Variants in BOD1 observed in about 807,000 individuals in gnomAD.
BOD1 encodes biorientation of chromosomes in cell division 1.
In BOD1, 11 loss-of-function variants were observed where a neutral mutation model predicts 15.7. That is an observed-to-expected ratio of 0.70 (90% CI 0.44 to 1.16). BOD1 has a LOEUF of 1.16. Ranked by LOEUF, BOD1 falls within the 50% of genes most tolerant of loss-of-function variation. The probability of loss-of-function intolerance (pLI) is 0.00; values close to 1 mark genes in which losing one functional copy is unlikely to be tolerated. For synonymous variants in BOD1, 105 were observed against 103.5 expected, an observed-to-expected ratio of 1.01 and a Z score of -0.09; for missense variants, 182 against 244.5, an observed-to-expected ratio of 0.74 and a Z score of 1.70.
At position 173,616,413 on chromosome 5, in the gene BOD1, C is replaced by CCCGCCG; in HGVS notation, c.18_23dup (p.Gly8_Gly9dup). 3.3e-6 allele frequency: 5 copies of CCCGCCG among 1,538,442 alleles called. No homozygotes were observed. The highest frequency in any genetic ancestry group is 4.3e-6 in the Non-Finnish European group (5 of 1,153,280). ...CGCCGCCGCCCACCGCGCCAGTTCC[C>CCCGCCG]CCGCCGCCGCCGCCGTCCGCCATGG... On this transcript the variant is annotated inframe_insertion, in exon 1 of 4. Coordinates refer to ENST00000311086, the MANE Select transcript of BOD1 (RefSeq NM_138369.3).
In BOD1 at chr5:173,616,489, A is replaced by G; in HGVS notation, c.-53T>C. ...ACGACTATAGCTTCTTCTCCAGGACAGAAGGCCTAGAACGTGTAGAGGTGG... is the reference window on the plus strand; with the variant it reads ...ACGACTATAGCTTCTTCTCCAGGACGGAAGGCCTAGAACGTGTAGAGGTGG... On this transcript the variant is annotated 5_prime_UTR_variant, in exon 1 of 4. Coordinates refer to ENST00000311086, the MANE Select transcript of BOD1 (RefSeq NM_138369.3). 1 of 1,545,384 alleles carries G rather than the reference A, an allele frequency of 6.5e-7. No homozygotes were observed. Among genetic ancestry groups the G allele is most frequent in the African/African-American group, 1.4e-5 (1 of 70,328 alleles).
In BOD1 at chr5:173,616,592, G is replaced by C. The variant is rs938119789; in HGVS notation, c.-156C>G. 8 of 1,352,876 alleles carry C rather than the reference G, an allele frequency of 5.9e-6. No individual in the cohort carries two copies. Among genetic ancestry groups the C allele is most frequent in the African/African-American group, 4.7e-5 (3 of 64,458 alleles). 83.8% of individuals were successfully genotyped at this position (1,352,876 alleles called of 1,614,324 possible). ...GATGGCGGCAGGGGCGGTGGTGGGG[G>C]CGGCGGCGGCGAAGGCCCCCTCTGA... On this transcript the variant is annotated 5_prime_UTR_variant, in exon 1 of 4. Transcript: ENST00000311086.
In BOD1 at chr5:173,616,563, T is replaced by TGGCGATGGCGGCAGGGGCGGTGGTGGG; in HGVS notation, c.-154_-128dup. 1 of 1,379,064 alleles carries TGGCGATGGCGGCAGGGGCGGTGGTGGG rather than the reference T, an allele frequency of 7.3e-7. No homozygotes were observed. The highest frequency in any genetic ancestry group is 1.6e-5 in the South Asian group (1 of 62,692). The allele number at this position is 1,379,064 out of a possible 1,614,324, so 85.4% of individuals were successfully genotyped here. ...GGCCCCAAGGCGGCAGCGGCGGAGG[T>TGGCGATGGCGGCAGGGGCGGTGGTGGG]GGCGATGGCGGCAGGGGCGGTGGTG... On this transcript the variant is annotated 5_prime_UTR_variant, in exon 1 of 4. Coordinates refer to ENST00000311086, the MANE Select transcript of BOD1 (RefSeq NM_138369.3).
chr5:173,616,498 A>C lies in BOD1; in HGVS notation c.-62T>G. On this transcript the variant is annotated 5_prime_UTR_variant, in exon 1 of 4. Coordinates refer to ENST00000311086, the MANE Select transcript of BOD1 (RefSeq NM_138369.3). ...GCTTCTTCTCCAGGACAGAAGGCCTAGAACGTGTAGAGGTGGTGAAGGGGG... is the reference window on the plus strand; with the variant it reads ...GCTTCTTCTCCAGGACAGAAGGCCTCGAACGTGTAGAGGTGGTGAAGGGGG... 3.3e-6 allele frequency: 5 copies of C among 1,534,788 alleles called. No individual in the cohort carries two copies. Among genetic ancestry groups the C allele is most frequent in the African/African-American group, 1.4e-5 (1 of 69,998 alleles).
At chr5:173,610,455 G>A (rs1755319583) in intron 2 of BOD1, among the ~76,000 whole-genome samples, 1 of 152,168 alleles carries the variant, frequency 6.6e-6, no homozygotes, top group African/African-American at 2.4e-5. Context: ...GTGCTCCCTG[G>A]ATTCAATGGT....
At chr5:173,612,938 C>T (rs1306731198) in intron 2 of BOD1, among the ~76,000 whole-genome samples, 193 bp downstream of exon 2, 1 of 152,208 alleles carries the variant, frequency 6.6e-6, no homozygotes, top group African/African-American at 2.4e-5. Flanking sequence ...TCACAGGCTG[C>T]AGAAACTGGA....
intron 1 of BOD1, among the ~76,000 whole-genome samples, chr5:173,613,833 G>A (rs1445844742): frequency 6.6e-6 from 1 of 152,190 alleles, no homozygotes; most frequent in Non-Finnish European, 1.5e-5. Context: ...GGGGGCAGAG[G>A]AGTAAAATTC....
At chr5:173,609,203 A>G in intron 3 of BOD1, 35 bp downstream of exon 3, 1 of 1,412,326 alleles carries the variant, frequency 7.1e-7, no homozygotes, top group South Asian at 1.3e-5. Flanking sequence ...CAAGCCAGAG[A>G]TGCATACTCC....
Position 173,613,199 on chromosome 5 carries a change from G to C in BOD1, c.294C>G (p.Asp98Glu). 1.2e-6 allele frequency: 2 copies of C among 1,614,142 alleles called. No homozygotes were observed. Among genetic ancestry groups the C allele is most frequent in the Non-Finnish European group, 1.7e-6 (2 of 1,179,990 alleles). ...KVDNFVSTHL[D>E]KQEWNPTMNK... ...TCATCGTAGGATTCCATTCCTGCTTGTCCAGATGTGTTGACACAAAATTAT... is the reference window on the plus strand; with the variant it reads ...TCATCGTAGGATTCCATTCCTGCTTCTCCAGATGTGTTGACACAAAATTAT... Residue 98 changes from aspartate to glutamate, a missense_variant, in exon 2 of 4, where the codon GAC becomes GAG. Asp to Glu is a conservative substitution (Grantham distance 45). Coordinates refer to ENST00000311086, the MANE Select transcript of BOD1 (RefSeq NM_138369.3).
At position 173,616,607 on chromosome 5, in the gene BOD1, G is replaced by GC; in HGVS notation, c.-172dup. On this transcript the variant is annotated 5_prime_UTR_variant, in exon 1 of 4. Coordinates refer to ENST00000311086, the MANE Select transcript of BOD1 (RefSeq NM_138369.3). ...GGTGGTGGGGGCGGCGGCGGCGAAG[G>GC]CCCCCTCTGATACAGCAGAGGTTGT... The GC allele has an allele frequency of 5.2e-6, 7 of 1,350,274 alleles. No homozygotes were observed. In the South Asian group the frequency reaches 1.1e-4, roughly 21 times the overall value. 83.6% of individuals were successfully genotyped at this position (1,350,274 alleles called of 1,614,324 possible). A position where few individuals can be genotyped will look rare whatever the true frequency, so the allele number is the denominator to read the frequency against.
chr5:173,610,748 C>T (rs1283700062), intron 2 of BOD1, among the ~76,000 whole-genome samples: 2 of 152,212 alleles, frequency 1.3e-5, no homozygotes, highest in African/African-American at 2.4e-5. Flanking sequence ...AACTAAATGC[C>T]TGTGTCCCCC....
chr5:173,614,091 A>C (rs759264971), intron 1 of BOD1, among the ~76,000 whole-genome samples: 1 of 152,252 alleles, frequency 6.6e-6, no homozygotes, highest in Non-Finnish European at 1.5e-5. Flanking sequence ...AGTAAAACAG[A>C]TATCAACAGA....
chr5:173,615,730 G>T (rs1391606083), intron 1 of BOD1, among the ~76,000 whole-genome samples: 1 of 152,154 alleles, frequency 6.6e-6, no homozygotes, highest in Non-Finnish European at 1.5e-5. Flanking sequence ...ATTCAACGCC[G>T]TACTAGTCTG....
intron 3 of BOD1, among the ~76,000 whole-genome samples, chr5:173,608,929 A>G (rs1394093209): frequency 6.6e-6 from 1 of 152,230 alleles, no homozygotes; most frequent in Non-Finnish European, 1.5e-5. Context: ...GACTCATTTA[A>G]ACATTTCAGC....
chr5:173,608,406 TA>T, intron 3 of BOD1, 114 bp from the exon 4 acceptor site: 1 of 829,012 alleles, frequency 1.2e-6, no homozygotes, highest in Non-Finnish European at 1.9e-6. Context: ...ATGAATGTTT[TA>T]CACTCCATAT....
At chr5:173,609,711 C>G (rs1755298117) in intron 2 of BOD1, 1 of 374,952 alleles carries the variant, frequency 2.7e-6, no homozygotes, top group Non-Finnish European at 4.8e-6. Context: ...GTGAGTTGCT[C>G]CAAAACAACA....
At chr5:173,615,841 G>T (rs1212754527) in intron 1 of BOD1, among the ~76,000 whole-genome samples, 1 of 152,146 alleles carries the variant, frequency 6.6e-6, no homozygotes, top group Non-Finnish European at 1.5e-5. Context: ...TGGTGAGTAC[G>T]GAACAGGTGG....
At chr5:173,610,921 G>A (rs1330524454) in intron 2 of BOD1, among the ~76,000 whole-genome samples, 1 of 152,192 alleles carries the variant, frequency 6.6e-6, no homozygotes, top group Non-Finnish European at 1.5e-5. Flanking sequence ...CACATGAGAA[G>A]AACAAGCAGT....
chr5:173,612,353 A>G (rs1755376173), intron 2 of BOD1, among the ~76,000 whole-genome samples: 1 of 152,178 alleles, frequency 6.6e-6, no homozygotes, highest in Admixed American at 6.5e-5. Context: ...TCCAATCCAG[A>G]CCTTATTTAG....
Sources: gnomAD v4.1 joint callset for allele counts (sites outside exome capture counted in the v4.1 genomes callset) on GRCh38, gnomAD v4.1.1 for gene constraint, MANE v1.5 for transcripts, NCBI Gene and HGNC (gene_info 2026-07-23, HGNC 2026-07-21) for gene names.